CTSH: variants seen among roughly 807,000 people sequenced by gnomAD.
The protein encoded by CTSH is cathepsin H, also known as pro-cathepsin H.
Under a neutral mutation model 56.3 loss-of-function variants are expected in CTSH, and 52 were observed. The observed-to-expected ratio is 0.92, with a 90% CI of 0.74 to 1.16. The LOEUF (loss-of-function observed/expected upper bound fraction) is 1.16. Ranked by LOEUF, CTSH falls within the 50% of genes most tolerant of loss-of-function variation. CTSH has a pLI of 0.00. For missense variants in CTSH, 406 were observed against 424.5 expected (o/e 0.96, Z 0.38); for synonymous variants, 174 against 155.7 (o/e 1.12, Z -0.88).
At chr15:78,939,862 G>A (rs903453988) in intron 1 of CTSH, among the ~76,000 whole-genome samples, 2 of 152,230 alleles carry the variant, frequency 1.3e-5, no homozygotes, top group African/African-American at 2.4e-5. Context: ...CAGCCTGGGC[G>A]ACAGAGAGAG....
intron 11 of CTSH, 111 bp downstream of exon 11, chr15:78,922,882 C>T: frequency 7.3e-7 from 1 of 1,368,808 alleles, no homozygotes; most frequent in Non-Finnish European, 9.9e-7. Context: ...TAGGGCTTGG[C>T]TGACCAGCTC....
chr15:78,922,884 G>C (rs1241482015), intron 11 of CTSH, 109 bp downstream of exon 11: 16 of 1,375,916 alleles, frequency 1.2e-5, no homozygotes, highest in Non-Finnish European at 1.6e-5. Context: ...GGGCTTGGCT[G>C]ACCAGCTCGT....
chr15:78,923,223 C>T (rs1004488350), intron 10 of CTSH, 105 bp from the exon 11 acceptor site: 124 of 1,289,248 alleles, frequency 9.6e-5, no homozygotes, highest in Admixed American at 4.2e-5. Context: ...ATGTTCCCCA[C>T]AGCGGACCAG....
At position 78,921,647 on chromosome 15, in the gene CTSH, C is replaced by G. The variant is rs1347168417; in HGVS notation, c.*483G>C. On this transcript the variant is annotated 3_prime_UTR_variant, in exon 12 of 12. Coordinates refer to ENST00000220166, the MANE Select transcript of CTSH (RefSeq NM_004390.5). ...TGGATACCCCATCTGGTGGATAATA[C>G]CGCCAGCACCCCCACCATCCTCCCA... The G allele has an allele frequency of 6.5e-6, 1 of 153,656 alleles. No individual in the cohort carries two copies. The highest frequency in any genetic ancestry group is 2.0e-4 in the South Asian group (1 of 4,920). The allele number at this position is 153,656 out of a possible 1,614,324, so 9.5% of individuals were successfully genotyped here. A position where few individuals can be genotyped will look rare whatever the true frequency, so the allele number is the denominator to read the frequency against.
At chr15:78,922,310 CTA>C in intron 11 of CTSH, 105 bp from the exon 12 acceptor site, 2 of 850,720 alleles carry the variant, frequency 2.4e-6, no homozygotes, top group South Asian at 2.9e-5. Flanking sequence ...GTGAGACCCT[CTA>C]AATTTATTCA....
intron 6 of CTSH, chr15:78,932,107 C>A: frequency 8.0e-7 from 1 of 1,251,284 alleles, no homozygotes; most frequent in Non-Finnish European, 1.0e-6. Context: ...AACCCCTCCG[C>A]CGGGAAGGCT....
intron 1 of CTSH, chr15:78,944,459 TC>T (rs1254461797): frequency 6.4e-6 from 1 of 157,232 alleles, no homozygotes; most frequent in Non-Finnish European, 1.4e-5. Flanking sequence ...CAGATGGGAC[TC>T]CCAAGACACT....
intron 7 of CTSH, 30 bp downstream of exon 7, chr15:78,931,421 G>GT: frequency 6.2e-7 from 1 of 1,614,108 alleles, no homozygotes; most frequent in Non-Finnish European, 8.5e-7. Context: ...AAATGAGGAA[G>GT]TTTTGGGCCC....
intron 8 of CTSH, among the ~76,000 whole-genome samples, chr15:78,929,029 G>A (rs985673857): frequency 2.6e-5 from 4 of 152,170 alleles, no homozygotes; most frequent in Middle Eastern, 6.8e-3. Flanking sequence ...GGGTGGGGGT[G>A]GGCCCCCAAA....
rs373721164 is a variant in CTSH, at chr15:78,927,731, A to G, written c.681T>C (p.Asp227=). The part of the protein sequence containing the change: ...QPGKAIGFVK[D]VANITIYDEE... ...CACTCACGATTGTGATGTTGGCTAC[A>G]TCCTTGACAAAGCCGATGGCCTTTC... The change falls in exon 9 of 12, where the codon GAT becomes GAC. Residue 227 remains aspartate, a synonymous_variant. Coordinates refer to ENST00000220166, the MANE Select transcript of CTSH (RefSeq NM_004390.5). 4.3e-6 allele frequency: 7 copies of G among 1,614,072 alleles called. No individual in the cohort carries two copies. Among genetic ancestry groups the G allele is most frequent in the Non-Finnish European group, 5.1e-6 (6 of 1,180,024 alleles).
chr15:78,928,266 G>A (rs1341892651), intron 8 of CTSH, among the ~76,000 whole-genome samples: 1 of 152,084 alleles, frequency 6.6e-6, no homozygotes, highest in Non-Finnish European at 1.5e-5. Flanking sequence ...GCCTGGGCGT[G>A]AGGTTAAGAA....
chr15:78,936,007 C>T (rs550367468), intron 3 of CTSH, among the ~76,000 whole-genome samples: 102 of 152,106 alleles, frequency 6.7e-4, no homozygotes, highest in Non-Finnish European at 1.2e-3. Flanking sequence ...TGCAGTTGGT[C>T]TGGGGTGGGG....
At chr15:78,931,364 T>C in intron 7 of CTSH, 87 bp downstream of exon 7, 1 of 1,561,128 alleles carries the variant, frequency 6.4e-7, no homozygotes, top group Non-Finnish European at 8.8e-7. Flanking sequence ...GGGTTATATC[T>C]GTGGCAGACC....
intron 7 of CTSH, among the ~76,000 whole-genome samples, chr15:78,929,775 C>T (rs2055007599): frequency 6.6e-6 from 1 of 152,174 alleles, no homozygotes; most frequent in Non-Finnish European, 1.5e-5. Context: ...ACACCATGGT[C>T]AACAGCATCA....
At position 78,922,109 on chromosome 15, in the gene CTSH, C is replaced by G; in HGVS notation, c.*21G>C. ...CCCGTTCCTCTCCTTCTCCGCCAGTCTGCGCTGCGGCTGCCACGGCTCACA... is the reference window on the plus strand; with the variant it reads ...CCCGTTCCTCTCCTTCTCCGCCAGTGTGCGCTGCGGCTGCCACGGCTCACA... On this transcript the variant is annotated 3_prime_UTR_variant, in exon 12 of 12. Transcript: ENST00000220166. The G allele has an allele frequency of 5.8e-6, 9 of 1,553,038 alleles. No homozygotes were observed. Among genetic ancestry groups the G allele is most frequent in the Non-Finnish European group, 7.8e-6 (9 of 1,148,672 alleles).
Position 78,935,147 on chromosome 15 carries a change from G to C in CTSH, c.301-65C>G, listed in dbSNP as rs184387793. ...AAACCAAAAACCTTTCTGACAACAA[G>C]AAGAAGAAATGTATAAACATGGAAT... On this transcript the variant is annotated intron_variant, in intron 4 of 11. Transcript: ENST00000220166. 74 of 1,099,734 alleles carry C rather than the reference G, an allele frequency of 6.7e-5. 1 individual carries two copies. The Admixed American group carries it at 7.2e-4, about 11-fold the overall frequency. The allele number at this position is 1,099,734 out of a possible 1,614,324, so 68.1% of individuals were successfully genotyped here.
chr15:78,931,378 C>A, intron 7 of CTSH, 73 bp downstream of exon 7: 2 of 1,585,036 alleles, frequency 1.3e-6, no homozygotes, highest in Non-Finnish European at 1.7e-6. Context: ...GCAGACCCAG[C>A]ACACACTGGA....
At position 78,921,923 on chromosome 15, in the gene CTSH, T is replaced by C. The variant is rs1261902555; in HGVS notation, c.*207A>G. The C allele has an allele frequency of 5.1e-6, 3 of 585,972 alleles. No homozygotes were observed. The highest frequency in any genetic ancestry group is 5.6e-5 in the East Asian group (2 of 35,496). The allele number at this position is 585,972 out of a possible 1,614,324, so 36.3% of individuals were successfully genotyped here. A position where few individuals can be genotyped will look rare whatever the true frequency, so the allele number is the denominator to read the frequency against. ...TAAGAAGGACACTAAGGCACATGGCTGGTGATCTTTGCGTCATAGACACGG... is the reference window on the plus strand; with the variant it reads ...TAAGAAGGACACTAAGGCACATGGCCGGTGATCTTTGCGTCATAGACACGG... On this transcript the variant is annotated 3_prime_UTR_variant, in exon 12 of 12. Coordinates refer to ENST00000220166, the MANE Select transcript of CTSH (RefSeq NM_004390.5).
rs773652589 is a variant in CTSH at position 78,931,479 on chromosome 15, G to C, written c.520C>G (p.Gln174Glu). 2.5e-6 allele frequency: 4 copies of C among 1,614,082 alleles called. No homozygotes were observed. In the African/African-American group the frequency reaches 5.3e-5, roughly 22 times the overall value. The stretch of plus-strand genomic sequence containing the variant: ...TGGCAGCCGTGATTATTGAAGTCCT[G>C]GGCGCAGTCCACCAGCTGCTGTTCC... Reference protein sequence around the residue: ...LAEQQLVDCAQDFNNHGCQGG... With the variant: ...LAEQQLVDCAEDFNNHGCQGG... Residue 174 changes from glutamine to glutamate, a missense_variant, in exon 7 of 12, where the codon CAG becomes GAG. Physicochemically the swap from Gln to Glu is conservative, Grantham distance 29 (BLOSUM62 2). Transcript: ENST00000220166.
Sources: allele counts gnomAD v4.1 joint callset (sites outside exome capture counted in the v4.1 genomes callset), GRCh38; gene constraint gnomAD v4.1.1; transcripts MANE v1.5; gene names NCBI Gene and HGNC (gene_info 2026-07-23, HGNC 2026-07-21).